Variants in DNAH8 observed in about 807,000 individuals in gnomAD.
DNAH8 encodes dynein axonemal heavy chain 8, also known as axonemal beta dynein heavy chain 8.
A neutral mutation model predicts 562.1 loss-of-function variants in DNAH8; 382 were observed. The observed-to-expected ratio is 0.68, with a 90% CI of 0.63 to 0.74. The LOEUF (loss-of-function observed/expected upper bound fraction) is 0.74, where lower values mean the gene tolerates loss of function less well. DNAH8 is among the 30% of genes least tolerant of loss of function. The pLI is 0.00. For synonymous variants in DNAH8, 1,881 were observed against 1,919.4 expected, an observed-to-expected ratio of 0.98 and a Z score of 0.52; for missense variants, 5,203 against 5,620.4, an observed-to-expected ratio of 0.93 and a Z score of 2.37.
intron 21 of DNAH8, among the ~76,000 whole-genome samples, chr6:38,795,545 A>T (rs933675514): frequency 6.6e-6 from 1 of 151,124 alleles, no homozygotes; most frequent in Non-Finnish European, 1.5e-5. Context: ...TCACCACTGC[A>T]CTCCAGCCTG....
intron 68 of DNAH8, 69 bp from the exon 69 acceptor site, chr6:38,917,170 T>C (rs1781366892): frequency 3.6e-6 from 4 of 1,114,012 alleles, no homozygotes; most frequent in Non-Finnish European, 3.7e-6. Flanking sequence ...TATTGAAAAG[T>C]ATTAGATTTC....
intron 56 of DNAH8, among the ~76,000 whole-genome samples, chr6:38,885,501 G>A (rs1303949981): frequency 1.3e-5 from 2 of 151,992 alleles, no homozygotes; most frequent in African/African-American, 2.4e-5. Context: ...GTTAGATCAC[G>A]ACACACTCTT....
At chr6:38,943,496 G>A (rs566978425) in intron 79 of DNAH8, among the ~76,000 whole-genome samples, 1 of 151,892 alleles carries the variant, frequency 6.6e-6, no homozygotes, top group South Asian at 2.1e-4. Flanking sequence ...TTTTTTGTTT[G>A]TTTCAATTAC....
At chr6:38,721,551 G>T (rs1762753413) in intron 1 of DNAH8, among the ~76,000 whole-genome samples, 1 of 151,416 alleles carries the variant, frequency 6.6e-6, no homozygotes, top group East Asian at 1.9e-4. Context: ...AGAGAAGGGG[G>T]TGGGGAGAGG....
At chr6:38,971,935 A>G in intron 83 of DNAH8, 1 of 293,426 alleles carries the variant, frequency 3.4e-6, no homozygotes, top group Non-Finnish European at 6.3e-6. Flanking sequence ...CTAAGAATGC[A>G]TCTCTAGCAG....
chr6:38,947,408 A>C (rs1761521067), intron 80 of DNAH8, among the ~76,000 whole-genome samples: 1 of 152,226 alleles, frequency 6.6e-6, no homozygotes, highest in Non-Finnish European at 1.5e-5. Flanking sequence ...TCCCAGGCCA[A>C]GGGTCAGGAA....
chr6:38,875,547 C>T (rs1777930198), intron 52 of DNAH8, 44 bp from the exon 53 acceptor site: 24 of 1,198,762 alleles, frequency 2.0e-5, no homozygotes, highest in East Asian at 1.1e-4. Flanking sequence ...TTTTTATTTT[C>T]AAAATTTTAA....
intron 33 of DNAH8, 59 bp downstream of exon 33, chr6:38,838,101 G>A: frequency 2.8e-6 from 3 of 1,081,134 alleles, no homozygotes; most frequent in Non-Finnish European, 2.8e-6. Flanking sequence ...TCTATTAGAA[G>A]AATCATGTCA....
intron 88 of DNAH8, among the ~76,000 whole-genome samples, chr6:38,995,053 A>G (rs987567851): frequency 4.3e-5 from 5 of 116,004 alleles, no homozygotes; most frequent in African/African-American, 1.7e-4. Context: ...GTCTCCCCTC[A>G]TTGCTCTTTT....
chr6:38,927,998 A>C (rs1384973700), intron 74 of DNAH8: 2 of 152,190 alleles, frequency 1.3e-5, no homozygotes, highest in Non-Finnish European at 2.9e-5. Context: ...AATGAAAAAC[A>C]AAGCATAGTT....
intron 24 of DNAH8, among the ~76,000 whole-genome samples, chr6:38,808,926 A>G (rs899607923): frequency 2.0e-5 from 3 of 151,812 alleles, no homozygotes; most frequent in Non-Finnish European, 4.4e-5. Context: ...AACATCACAC[A>G]CCAGGGCCTG....
chr6:38,821,328 C>T (rs1772817991), intron 26 of DNAH8, among the ~76,000 whole-genome samples: 1 of 152,180 alleles, frequency 6.6e-6, no homozygotes, highest in Non-Finnish European at 1.5e-5. Flanking sequence ...GAAAGTTATT[C>T]TATGAAGAGA....
rs376335904 is a variant in DNAH8 at position 38,800,602 on chromosome 6, T to C, written c.2902-2577T>C. 1.3e-3 allele frequency among the ~76,000 whole-genome samples: 204 copies of C among 152,286 alleles called. 1 individual carries two copies. The highest frequency in any genetic ancestry group is 4.6e-3 in the African/African-American group (190 of 41,554). ...CGCCATCTTGGCTCACTGCAACCTCTGCCTCCTGGGTTCAAGCGATTCTCC... is the reference window on the plus strand; with the variant it reads ...CGCCATCTTGGCTCACTGCAACCTCCGCCTCCTGGGTTCAAGCGATTCTCC... On this transcript the variant is annotated intron_variant, in intron 21 of 92. Coordinates refer to ENST00000327475, the MANE Select transcript of DNAH8 (RefSeq NM_001206927.2).
chr6:38,920,997 C>T (rs1211818216), intron 70 of DNAH8, among the ~76,000 whole-genome samples: 1 of 152,084 alleles, frequency 6.6e-6, no homozygotes, highest in Non-Finnish European at 1.5e-5. Flanking sequence ...CCCAAGTGAT[C>T]CTCCTGCTTC....
chr6:38,883,530 G>T, intron 55 of DNAH8, 74 bp downstream of exon 55: 1 of 1,390,804 alleles, frequency 7.2e-7, no homozygotes, highest in Non-Finnish European at 9.8e-7. Flanking sequence ...AAATGTGTAC[G>T]CATATAAAAT....
chr6:38,943,281 A>G (rs1330638564), intron 79 of DNAH8, among the ~76,000 whole-genome samples: 1 of 152,222 alleles, frequency 6.6e-6, no homozygotes, highest in Non-Finnish European at 1.5e-5. Flanking sequence ...CATTTGTTTT[A>G]GTTTTGAACT....
intron 13 of DNAH8, among the ~76,000 whole-genome samples, chr6:38,777,352 C>T (rs995661256): frequency 3.3e-5 from 5 of 152,016 alleles, no homozygotes; most frequent in South Asian, 2.1e-4. Context: ...GACTTAGATT[C>T]AAATTTTAGC....
At chr6:38,715,960 A>ATTTTTTTTTTTTTTTTTT (rs869120118) in intron 1 of DNAH8, among the ~76,000 whole-genome samples, 2 of 23,628 alleles carry the variant, frequency 8.5e-5, no homozygotes, top group East Asian at 1.0e-3. Flanking sequence ...ATATATATAT[A>ATTTTTTTTTTTTTTTTTT]TTTTTTTTTT....
intron 14 of DNAH8, among the ~76,000 whole-genome samples, chr6:38,779,295 A>G (rs1309595184): frequency 1.3e-5 from 2 of 152,184 alleles, no homozygotes; most frequent in South Asian, 2.1e-4. Flanking sequence ...CAGAAATAAC[A>G]TAATTTTGAC....
Sources: allele counts gnomAD v4.1 joint callset (sites outside exome capture counted in the v4.1 genomes callset), GRCh38; gene constraint gnomAD v4.1.1; transcripts MANE v1.5; gene names NCBI Gene and HGNC (gene_info 2026-07-23, HGNC 2026-07-21).